The following GREB1 variants were observed in gnomAD, a reference collection of about 807,000 sequenced individuals.
GREB1 encodes the protein protein GREB1.
In GREB1, 106 loss-of-function variants were observed where a neutral mutation model predicts 200.7. That is an observed-to-expected ratio of 0.53 (90% CI 0.45 to 0.62). GREB1 has a LOEUF of 0.62. Ranked by LOEUF, GREB1 falls within the 20% of genes least tolerant of loss-of-function variation. The pLI, the probability that GREB1 is intolerant of heterozygous loss-of-function variation, is 0.00. For missense variants in GREB1, 2,243 were observed against 2,556.8 expected, an observed-to-expected ratio of 0.88 and a Z score of 2.65; for synonymous variants, 1,132 against 1,092.4, an observed-to-expected ratio of 1.04 and a Z score of -0.72.
At chr2:11,586,190 T>A (rs559245026) in intron 9 of GREB1, among the ~76,000 whole-genome samples, 8 of 152,312 alleles carry the variant, frequency 5.3e-5, no homozygotes, top group Non-Finnish European at 1.5e-5. Flanking sequence ...ATTCTTTCCT[T>A]CGTTTGCTCA....
At chr2:11,501,905 G>T (rs7370139) in intron 1 of GREB1, among the ~76,000 whole-genome samples, 50,571 of 61,540 alleles carry the variant, frequency 0.82, 21,396 homozygotes, top group Admixed American at 0.88. Flanking sequence ...GTTTTTTTTT[G>T]TTTTTTTTTT....
intron 1 of GREB1, among the ~76,000 whole-genome samples, chr2:11,536,248 G>A (rs1052675826): frequency 6.6e-6 from 1 of 152,198 alleles, no homozygotes; most frequent in Non-Finnish European, 1.5e-5. Flanking sequence ...GTGCAGAGTC[G>A]GAGGTGTGAC....
At chr2:11,632,242 A>C (rs978106869) in intron 27 of GREB1, 129 bp downstream of exon 27, 1 of 652,946 alleles carries the variant, frequency 1.5e-6, no homozygotes, top group Non-Finnish European at 2.6e-6. Context: ...AGCTATTTTC[A>C]TTTTGTCTGA....
intron 29 of GREB1, 90 bp downstream of exon 29, chr2:11,634,439 G>T: frequency 1.0e-6 from 1 of 972,476 alleles, no homozygotes; most frequent in Non-Finnish European, 1.6e-6. Flanking sequence ...GAGGCGTCCT[G>T]GCTGTGAGCA....
chr2:11,550,609 A>G (rs1675720448), intron 1 of GREB1, among the ~76,000 whole-genome samples: 1 of 152,196 alleles, frequency 6.6e-6, no homozygotes, highest in Non-Finnish European at 1.5e-5. Flanking sequence ...GGAATTCCCA[A>G]GCCTTCTCTG....
chr2:11,533,289 A>G (rs540782682), upstream of GREB1, among the ~76,000 whole-genome samples: 14 of 152,330 alleles, frequency 9.2e-5, no homozygotes, highest in African/African-American at 9.6e-5. Flanking sequence ...GAGATCACTC[A>G]TCTTGAAAAA....
intron 2 of GREB1, among the ~76,000 whole-genome samples, chr2:11,562,092 A>C (rs1677113226): frequency 1.3e-5 from 2 of 152,194 alleles, no homozygotes; most frequent in African/African-American, 4.8e-5. Flanking sequence ...AATTCGATAC[A>C]TATTAAACCT....
chr2:11,539,319 G>A (rs993992858), intron 1 of GREB1, among the ~76,000 whole-genome samples: 1 of 151,902 alleles, frequency 6.6e-6, no homozygotes, highest in Non-Finnish European at 1.5e-5. Flanking sequence ...CCACAGTGCT[G>A]GGATTACAGG....
chr2:11,630,769 G>A (rs531574444), intron 26 of GREB1, among the ~76,000 whole-genome samples: 1 of 152,128 alleles, frequency 6.6e-6, no homozygotes, highest in Non-Finnish European at 1.5e-5. Flanking sequence ...CGTTCTGAAC[G>A]TTCCATTGTC....
intron 4 of GREB1, among the ~76,000 whole-genome samples, chr2:11,567,775 A>G (rs986974114): frequency 1.1e-4 from 16 of 152,188 alleles, no homozygotes; most frequent in African/African-American, 3.9e-4. Flanking sequence ...ATCACTCAGC[A>G]GGCTCCCCCA....
intron 1 of GREB1, among the ~76,000 whole-genome samples, chr2:11,483,825 G>T (rs1204642163): frequency 9.2e-6 from 1 of 108,318 alleles, no homozygotes; most frequent in East Asian, 2.8e-4. Flanking sequence ...AACTCTCTTT[G>T]ATGCCTGGTC....
intron 18 of GREB1, 83 bp downstream of exon 18, chr2:11,611,110 C>T (rs1182819000): frequency 7.4e-6 from 9 of 1,212,440 alleles, no homozygotes; most frequent in Admixed American, 2.6e-5. Context: ...GGGAGTGTCA[C>T]GAACCCCACA....
chr2:11,556,619 G>C lies in GREB1; in HGVS notation c.5G>C (p.Gly2Ala). M[G>A]NSYAGQLKTT... Reference sequence around the variant, plus strand: ...GAAGACTCCATCCTCTTGAAGATGGGAAATTCTTACGCTGGACAGCTGAAG... The same window carrying C: ...GAAGACTCCATCCTCTTGAAGATGGCAAATTCTTACGCTGGACAGCTGAAG... The change falls in exon 2 of 33, where the codon GGA becomes GCA. Residue 2 changes from glycine (G) to alanine (A), a missense_variant. Gly to Ala is a moderately conservative substitution (Grantham distance 60). Coordinates refer to ENST00000381486, the MANE Select transcript of GREB1 (RefSeq NM_014668.4). 1 of 1,608,472 alleles carries C rather than the reference G, an allele frequency of 6.2e-7. No homozygotes were observed.
At chr2:11,635,484 T>C (rs911465601) in intron 30 of GREB1, 79 bp downstream of exon 30, 41 of 1,491,676 alleles carry the variant, frequency 2.7e-5, no homozygotes, top group Non-Finnish European at 3.6e-5. Flanking sequence ...GTAGGAGCCA[T>C]TGAGGGAGGC....
At chr2:11,494,751 A>G (rs1558482138) in intron 1 of GREB1, among the ~76,000 whole-genome samples, 1 of 152,114 alleles carries the variant, frequency 6.6e-6, no homozygotes, top group Non-Finnish European at 1.5e-5. Flanking sequence ...TGTTCTCTAG[A>G]TCTGTTTCTT....
chr2:11,576,610 G>T, intron 5 of GREB1, 75 bp downstream of exon 5: 1 of 1,114,876 alleles, frequency 9.0e-7, no homozygotes, highest in East Asian at 2.4e-5. Flanking sequence ...TCGGTGTGAT[G>T]CTGGGGAGAG....
chr2:11,526,556 CTTT>C (rs369267814), intron 1 of GREB1, among the ~76,000 whole-genome samples: 4 of 138,230 alleles, frequency 2.9e-5, no homozygotes, highest in Non-Finnish European at 3.2e-5. Context: ...ACTTTAAATC[CTTT>C]TTTTTTTTTT....
chr2:11,549,705 T>C (rs748849946), intron 1 of GREB1, among the ~76,000 whole-genome samples: 20 of 152,242 alleles, frequency 1.3e-4, no homozygotes, highest in Non-Finnish European at 2.6e-4. Context: ...TCTCGTTTTC[T>C]CCATGTTTAC....
At chr2:11,499,800 G>C (rs1485857878) in intron 1 of GREB1, among the ~76,000 whole-genome samples, 1 of 152,112 alleles carries the variant, frequency 6.6e-6, no homozygotes, top group African/African-American at 2.4e-5. Context: ...CTATCATATT[G>C]TACATATAAC....
Sources: allele counts gnomAD v4.1 joint callset (sites outside exome capture counted in the v4.1 genomes callset), GRCh38; gene constraint gnomAD v4.1.1; transcripts MANE v1.5; gene names NCBI Gene and HGNC (gene_info 2026-07-23, HGNC 2026-07-21).